Variants in B4GALT5 observed in about 807,000 individuals in gnomAD.
The protein encoded by B4GALT5 is UDP-Gal:beta-GlcNAc beta-1,4-galactosyltransferase 5.
In B4GALT5, 11 loss-of-function variants were observed where a neutral mutation model predicts 45.0. That is an observed-to-expected ratio of 0.24 (90% CI 0.15 to 0.40). The LOEUF (loss-of-function observed/expected upper bound fraction) is 0.40, where lower values mean the gene tolerates loss of function less well. B4GALT5 is among the 10% of genes least tolerant of loss of function. B4GALT5 has a pLI of 1.00. For missense variants in B4GALT5, 337 were observed against 500.2 expected (o/e 0.67, Z 3.11); for synonymous variants, 185 against 182.9 (o/e 1.01, Z -0.09).
intron 7 of B4GALT5, among the ~76,000 whole-genome samples, chr20:49,637,812 G>T (rs945035176): frequency 6.6e-6 from 1 of 151,734 alleles, no homozygotes; most frequent in Non-Finnish European, 1.5e-5. Context: ...GGTGGTGCAG[G>T]TCTGTAATCC....
chr20:49,636,141 G>T lies in B4GALT5; in HGVS notation c.*171C>A. Reference sequence around the variant, plus strand: ...TCCCTCAGTTCCAGCGGCTGATCCAGTGAAGGCGTTTGTGCGTGTGCTGTC... The same window carrying T: ...TCCCTCAGTTCCAGCGGCTGATCCATTGAAGGCGTTTGTGCGTGTGCTGTC... On this transcript the variant is annotated 3_prime_UTR_variant, in exon 9 of 9. Transcript: ENST00000371711. 1.2e-6 allele frequency: 1 copy of T among 816,598 alleles called. No homozygotes were observed. The highest frequency in any genetic ancestry group is 1.9e-6 in the Non-Finnish European group (1 of 530,976). 50.6% of individuals were successfully genotyped at this position (816,598 alleles called of 1,614,324 possible).
At chr20:49,658,530 G>C (rs923068054) in intron 1 of B4GALT5, among the ~76,000 whole-genome samples, 2 of 152,078 alleles carry the variant, frequency 1.3e-5, no homozygotes, top group Non-Finnish European at 2.9e-5. Context: ...TGAAAATCTT[G>C]TGTAAAGCTT....
intron 1 of B4GALT5, among the ~76,000 whole-genome samples, chr20:49,666,172 A>G (rs1020313763): frequency 3.9e-5 from 6 of 152,230 alleles, no homozygotes; most frequent in African/African-American, 1.2e-4. Flanking sequence ...GATGAACTAA[A>G]TAAGATTCTG....
At chr20:49,687,089 G>A (rs1213558009) in intron 1 of B4GALT5, among the ~76,000 whole-genome samples, 1 of 152,070 alleles carries the variant, frequency 6.6e-6, no homozygotes, top group Non-Finnish European at 1.5e-5. Context: ...CAGTATCTGG[G>A]GGCATTTTTC....
chr20:49,650,893 C>G (rs115735958), intron 2 of B4GALT5, among the ~76,000 whole-genome samples: 15 of 152,154 alleles, frequency 9.9e-5, no homozygotes, highest in African/African-American at 3.6e-4. Flanking sequence ...GAAAAACAAG[C>G]CTGTTGAATT....
At chr20:49,646,888 G>A (rs2085601210) in intron 3 of B4GALT5, 77 bp downstream of exon 3, 1 of 847,962 alleles carries the variant, frequency 1.2e-6, no homozygotes, top group Non-Finnish European at 1.8e-6. Context: ...CTCTCTGCAG[G>A]CAGACAGAGA....
At chr20:49,705,821 A>G (rs1235291299) in intron 1 of B4GALT5, among the ~76,000 whole-genome samples, 1 of 152,090 alleles carries the variant, frequency 6.6e-6, no homozygotes. Flanking sequence ...GTCAGACAGG[A>G]GCCCAAACCT....
chr20:49,641,257 C>T lies in B4GALT5; in HGVS notation c.607-592G>A, dbSNP rs181148664. On this transcript the variant is annotated intron_variant, in intron 5 of 8. Coordinates refer to ENST00000371711, the MANE Select transcript of B4GALT5 (RefSeq NM_004776.4). ...TGTACCAGCATTTAGAAGAGTACCCCGCTCCACAAAGGGAAGAGACAACAC... is the reference window on the plus strand; with the variant it reads ...TGTACCAGCATTTAGAAGAGTACCCTGCTCCACAAAGGGAAGAGACAACAC... 1.1e-4 allele frequency among the ~76,000 whole-genome samples: 16 copies of T among 152,290 alleles called. No homozygotes were observed. The East Asian group carries it at 2.9e-3, about 28-fold the overall frequency.
intron 7 of B4GALT5, among the ~76,000 whole-genome samples, chr20:49,638,438 G>A (rs1477732022): frequency 3.9e-5 from 6 of 152,168 alleles, no homozygotes; most frequent in African/African-American, 7.2e-5. Flanking sequence ...TTCCTTATGA[G>A]GTTACTGTTT....
chr20:49,656,188 T>C (rs562611121), intron 2 of B4GALT5, among the ~76,000 whole-genome samples: 2 of 152,226 alleles, frequency 1.3e-5, no homozygotes, highest in South Asian at 2.1e-4. Flanking sequence ...ACCTGCCACA[T>C]TGCTTCCTCT....
At chr20:49,659,386 C>T (rs947999964) in intron 1 of B4GALT5, among the ~76,000 whole-genome samples, 1 of 152,142 alleles carries the variant, frequency 6.6e-6, no homozygotes, top group African/African-American at 2.4e-5. Context: ...CTTTCAGTAC[C>T]GTGTCAGTCT....
At chr20:49,653,281 G>A (rs2085629565) in intron 2 of B4GALT5, among the ~76,000 whole-genome samples, 1 of 152,082 alleles carries the variant, frequency 6.6e-6, no homozygotes, top group Non-Finnish European at 1.5e-5. Context: ...GAGCAGTCTG[G>A]AGTTGGTATT....
intron 1 of B4GALT5, among the ~76,000 whole-genome samples, chr20:49,702,327 C>A (rs1747288287): frequency 6.6e-6 from 1 of 152,084 alleles, no homozygotes; most frequent in African/African-American, 2.4e-5. Context: ...CTTATAAAGA[C>A]CTTCATGGGC....
chr20:49,648,601 C>T (rs777661944), intron 2 of B4GALT5, among the ~76,000 whole-genome samples: 42 of 152,186 alleles, frequency 2.8e-4, no homozygotes, highest in Non-Finnish European at 8.8e-5. Flanking sequence ...CTGCTTTCTA[C>T]CTACCAAGGT....
intron 1 of B4GALT5, among the ~76,000 whole-genome samples, chr20:49,699,908 C>T (rs1393398379): frequency 6.6e-6 from 1 of 152,180 alleles, no homozygotes; most frequent in Non-Finnish European, 1.5e-5. Flanking sequence ...AATGCATAAT[C>T]TCATCACTTC....
chr20:49,712,256 C>T (rs2085916190), intron 1 of B4GALT5, among the ~76,000 whole-genome samples: 1 of 152,226 alleles, frequency 6.6e-6, no homozygotes, highest in Non-Finnish European at 1.5e-5. Context: ...ATCCTTAACA[C>T]TGTATGAGAT....
In B4GALT5 at chr20:49,632,968, T is replaced by C. The variant is rs1167258893; in HGVS notation, c.*3344A>G. The C allele has an allele frequency of 1.3e-5, 2 of 152,518 alleles. No individual in the cohort carries two copies. Among genetic ancestry groups the C allele is most frequent in the African/African-American group, 4.8e-5 (2 of 41,438 alleles). The allele number at this position is 152,518 out of a possible 1,614,324, so 9.4% of individuals were successfully genotyped here. ...GGTTTGGTTCTTGAATATGTATTTT[T>C]TACTGAAAAAATCATTCATAAATTA... On this transcript the variant is annotated 3_prime_UTR_variant, in exon 9 of 9. Coordinates refer to ENST00000371711, the MANE Select transcript of B4GALT5 (RefSeq NM_004776.4).
chr20:49,698,600 A>G (rs931323603), intron 1 of B4GALT5, among the ~76,000 whole-genome samples: 4 of 151,592 alleles, frequency 2.6e-5, no homozygotes, highest in East Asian at 1.9e-4. Context: ...ACTTCCTCCC[A>G]CTCTCGCATT....
chr20:49,678,769 G>A (rs966410066), intron 1 of B4GALT5, among the ~76,000 whole-genome samples: 2 of 147,662 alleles, frequency 1.4e-5, no homozygotes, highest in African/African-American at 5.4e-5. Context: ...AAAACAAGCT[G>A]AGACTCAATC....
Sources: gnomAD v4.1 joint callset for allele counts (sites outside exome capture counted in the v4.1 genomes callset) on GRCh38, gnomAD v4.1.1 for gene constraint, MANE v1.5 for transcripts, NCBI Gene and HGNC (gene_info 2026-07-23, HGNC 2026-07-21) for gene names.